Variants in ULK1 observed in about 807,000 individuals in gnomAD.
ULK1 encodes the protein serine/threonine-protein kinase ULK1.
A neutral mutation model predicts 117.5 loss-of-function variants in ULK1; 48 were observed. That is an observed-to-expected ratio of 0.41 (90% CI 0.32 to 0.52). ULK1 has a LOEUF of 0.52. ULK1 is among the 20% of genes least tolerant of loss of function. ULK1 has a pLI of 0.29. For missense variants in ULK1, 1,387 were observed against 1,473.4 expected, an observed-to-expected ratio of 0.94 and a Z score of 0.96; for synonymous variants, 790 against 637.8, an observed-to-expected ratio of 1.24 and a Z score of -3.60.
chr12:131,913,948 C>A, intron 15 of ULK1, 112 bp downstream of exon 15: 1 of 967,672 alleles, frequency 1.0e-6, no homozygotes, highest in Non-Finnish European at 1.4e-6. Context: ...GAGGCCCCTG[C>A]CTTCTTCTCC....
chr12:131,904,024 G>T (rs1323178772), intron 3 of ULK1, among the ~76,000 whole-genome samples: 1 of 152,094 alleles, frequency 6.6e-6, no homozygotes, highest in African/African-American at 2.4e-5. Flanking sequence ...AGGGCCAGGT[G>T]CCCTGGGTAG....
chr12:131,913,854 C>A lies in ULK1; in HGVS notation c.1247+18C>A. 1 of 1,499,376 alleles carries A rather than the reference C, an allele frequency of 6.7e-7. No individual in the cohort carries two copies. Among genetic ancestry groups the A allele is most frequent in the Non-Finnish European group, 8.9e-7 (1 of 1,123,846 alleles). 92.9% of individuals were successfully genotyped at this position (1,499,376 alleles called of 1,614,324 possible). On this transcript the variant is annotated intron_variant, in intron 15 of 27. Coordinates refer to ENST00000321867, the MANE Select transcript of ULK1 (RefSeq NM_003565.4). ...CCCTCAGGGTAAGCAGGGCCCCAGG[C>A]TGGGTGGATGGGGCTGTGAACAGTC...
At chr12:131,914,512 T>A in intron 16 of ULK1, 35 bp downstream of exon 16, 1 of 1,597,336 alleles carries the variant, frequency 6.3e-7, no homozygotes, top group South Asian at 1.1e-5. Flanking sequence ...CAGGCGTGGC[T>A]GGGGCCTTGT....
At chr12:131,911,869 A>T in intron 12 of ULK1, 73 bp from the exon 13 acceptor site, 1 of 1,608,188 alleles carries the variant, frequency 6.2e-7, no homozygotes. Flanking sequence ...GGGCCATCCC[A>T]GGAGGGGGAA....
At position 131,913,775 on chromosome 12, in the gene ULK1, G is replaced by A. The variant is rs755236078; in HGVS notation, c.1186G>A (p.Glu396Lys). ...GSSLVASAGL[E>K]SHGRTPSPSP... ...CTCACTGGTGGCCTCTGCGGGCTTG[G>A]AGAGCCACGGCCGGACCCCATCTCC... The change falls in exon 15 of 28, where the codon GAG becomes AAG. Residue 396 changes from glutamate (E) to lysine (K), a missense_variant. Glu to Lys is a moderately conservative substitution (Grantham distance 56). This residue lies in a region of ULK1 where 260 missense variants were observed against 271.6 expected (regional missense o/e 0.96). Coordinates refer to ENST00000321867, the MANE Select transcript of ULK1 (RefSeq NM_003565.4). The A allele has an allele frequency of 5.7e-6, 9 of 1,574,080 alleles. No homozygotes were observed. The highest frequency in any genetic ancestry group is 5.5e-5 in the Admixed American group (3 of 54,696).
chr12:131,909,763 C>G lies in ULK1; in HGVS notation c.667-12C>G, dbSNP rs1000838924. The G allele has an allele frequency of 6.3e-7, 1 of 1,596,628 alleles. No homozygotes were observed. Among genetic ancestry groups the G allele is most frequent in the South Asian group, 1.1e-5 (1 of 89,064 alleles). ...CGCAGCCCTGGCAGTCAGGCTGTCC[C>G]CGTCCCCGCAGGCCAGCAGCCCCCA... On this transcript the variant is annotated splice_polypyrimidine_tract_variant and intron_variant, in intron 8 of 27. Coordinates refer to ENST00000321867, the MANE Select transcript of ULK1 (RefSeq NM_003565.4).
At chr12:131,906,325 A>G (rs1005643120) in intron 3 of ULK1, among the ~76,000 whole-genome samples, 4 of 152,020 alleles carry the variant, frequency 2.6e-5, no homozygotes, top group African/African-American at 9.7e-5. Flanking sequence ...TGCTGACCTC[A>G]TGATCCACCC....
rs375971375 is a variant in ULK1 at position 131,915,905 on chromosome 12, G to T, written c.1624G>T (p.Glu542Ter). 2.5e-6 allele frequency: 4 copies of T among 1,611,170 alleles called. No homozygotes were observed. Among genetic ancestry groups the T allele is most frequent in the Non-Finnish European group, 3.4e-6 (4 of 1,179,824 alleles). Residue 542 changes from glutamate (E) to a stop codon, truncating the protein, a stop_gained, in exon 19 of 28, where the codon GAG becomes TAG. Transcript: ENST00000321867. LOFTEE classifies it high-confidence loss of function. The stretch of plus-strand genomic sequence containing the variant: ...TCTCTCTCTAGGCTCCTCTGCACCC[G>T]AGCACTCTCCCCGCACTTCCGGGCT... Reference protein sequence around the residue: ...RSPRPGSSAPEHSPRTSGLGC... With the variant: ...RSPRPGSSAP
intron 3 of ULK1, among the ~76,000 whole-genome samples, chr12:131,901,358 A>C (rs1889081383): frequency 6.9e-6 from 1 of 145,034 alleles, no homozygotes; most frequent in Non-Finnish European, 1.5e-5. Context: ...CTCGTCTCAA[A>C]AAAAAAAAAA....
chr12:131,920,720 C>T, intron 26 of ULK1: 1 of 241,516 alleles, frequency 4.1e-6, no homozygotes, highest in South Asian at 8.6e-5. Context: ...GTGCCTGAGT[C>T]TCCTTTTTTA....
At chr12:131,913,160 G>A (rs372895952) in intron 13 of ULK1, 38 bp from the exon 14 acceptor site, 47 of 1,532,088 alleles carry the variant, frequency 3.1e-5, no homozygotes, top group Admixed American at 1.5e-4. Context: ...CTGGGCAGGC[G>A]GCAAGGACTC....
rs377418766 is a variant in ULK1 at position 131,909,877 on chromosome 12, G to C, written c.726-42G>C. 4 of 1,609,648 alleles carry C rather than the reference G, an allele frequency of 2.5e-6. No homozygotes were observed. The African/African-American group carries it at 5.3e-5, about 22-fold the overall frequency. On this transcript the variant is annotated intron_variant, in intron 9 of 27. Coordinates refer to ENST00000321867, the MANE Select transcript of ULK1 (RefSeq NM_003565.4). ...TCCCTTCCCTTCCCCCGCGGGCTCC[G>C]GCCCCGCAGGCCCTGCTCACACCAG...
At chr12:131,913,434 G>A (rs1430131170) in intron 14 of ULK1, among the ~76,000 whole-genome samples, 176 bp downstream of exon 14, 4 of 151,202 alleles carry the variant, frequency 2.6e-5, no homozygotes, top group South Asian at 2.1e-4. Context: ...GGTGGCTCAC[G>A]CCTGTAATCC....
chr12:131,918,895 G>GGT (rs1439519085), intron 23 of ULK1, among the ~76,000 whole-genome samples: 3 of 60,708 alleles, frequency 4.9e-5, no homozygotes, highest in South Asian at 7.6e-4. Context: ...TGGGGTGTAG[G>GGT]GTGTGGGGTG....
chr12:131,911,418 AGCGCCCT>A (rs1033839811), intron 12 of ULK1, among the ~76,000 whole-genome samples: 1 of 152,188 alleles, frequency 6.6e-6, no homozygotes, highest in African/African-American at 2.4e-5. Context: ...GGAGCGTGGC[AGCGCCCT>A]GCTGTAGGGA....
At position 131,921,291 on chromosome 12, in the gene ULK1, CCT is replaced by C; in HGVS notation, c.3098-11_3098-10del. 1 of 1,608,158 alleles carries C rather than the reference CCT, an allele frequency of 6.2e-7. No individual in the cohort carries two copies. The highest frequency in any genetic ancestry group is 1.6e-4 in the Middle Eastern group (1 of 6,062). On this transcript the variant is annotated splice_polypyrimidine_tract_variant and intron_variant, in intron 27 of 27. Coordinates refer to ENST00000321867, the MANE Select transcript of ULK1 (RefSeq NM_003565.4). ...ACTCTGGGCGTCTCCCTCACACTCC[CCT>C]CTCCCTCCACAGGCAAGCTGTGCAT... is the stretch of plus-strand genomic sequence containing the variant.
At chr12:131,907,577 G>A in intron 5 of ULK1, 46 bp downstream of exon 5, 5 of 1,592,158 alleles carry the variant, frequency 3.1e-6, no homozygotes, top group Non-Finnish European at 4.3e-6. Context: ...GGTCCCACAG[G>A]GCCCGCACCC....
intron 13 of ULK1, 42 bp downstream of exon 13, chr12:131,912,131 G>A (rs1349846737): frequency 8.8e-6 from 14 of 1,583,046 alleles, no homozygotes; most frequent in African/African-American, 4.0e-5. Context: ...CCTCAGGTGC[G>A]GCGGGGACAG....
rs1889975493 is a variant in ULK1, at chr12:131,918,726, GT to G, written c.2511+46del. 10 of 1,270,370 alleles carry G rather than the reference GT, an allele frequency of 7.9e-6. 1 individual carries two copies. The East Asian group carries it at 3.9e-4, about 50-fold the overall frequency. 78.7% of individuals were successfully genotyped at this position (1,270,370 alleles called of 1,614,324 possible). A position where few individuals can be genotyped will look rare whatever the true frequency, so the allele number is the denominator to read the frequency against. ...AAGGTTCCCATTCTGGCTGGAGGGT[GT>G]GTGGGGTGTGTGGGGTGTCGGGTGT... is the stretch of plus-strand genomic sequence containing the variant. On this transcript the variant is annotated intron_variant, in intron 23 of 27. Coordinates refer to ENST00000321867, the MANE Select transcript of ULK1 (RefSeq NM_003565.4).
Sources: allele counts gnomAD v4.1 joint callset (sites outside exome capture counted in the v4.1 genomes callset), GRCh38; gene constraint gnomAD v4.1.1; regional missense constraint gnomAD v4.1.1; transcripts MANE v1.5; gene names NCBI Gene and HGNC (gene_info 2026-07-23, HGNC 2026-07-21).